The following DUSP21 variants were observed in gnomAD, a reference collection of about 807,000 sequenced individuals.
DUSP21 encodes the protein dual specificity phosphatase 21.
For synonymous variants in DUSP21, 57 were observed against 68.9 expected (o/e 0.83, Z 0.86); for missense variants, 156 against 165.8 (o/e 0.94, Z 0.32).
chrX:44,844,704 A>T lies in DUSP21; in HGVS notation c.572A>T (p.Ter191LeuextTer7). The T allele has an allele frequency of 8.4e-7, 1 of 1,188,241 alleles. No individual in the cohort carries two copies. Among genetic ancestry groups the T allele is most frequent in the Non-Finnish European group, 1.1e-6 (1 of 881,283 alleles). Residue 191 changes from the stop codon to leucine (L), a stop_lost, in exon 1 of 1, where the codon TAA becomes TTA. Transcript: ENST00000339042. ...EKDLRMMISM* is the reference protein window; with the variant it reads ...EKDLRMMISML ...GACCTACGTATGATGATATCAATGT[A>T]AGCCATCCCGGCCAGCCCCTGACAT...
Position 44,844,115 on chromosome X carries a change from C to G in DUSP21, c.-18C>G. ...GTGTCCCGAACCAGCGTAGAGAGAC[C>G]TCGGACCAGCCGCCTTGATGACAGC... On this transcript the variant is annotated 5_prime_UTR_variant, in exon 1 of 1. Transcript: ENST00000339042. The G allele has an allele frequency of 8.4e-7, 1 of 1,195,834 alleles. No individual in the cohort carries two copies. The highest frequency in any genetic ancestry group is 1.1e-6 in the Non-Finnish European group (1 of 887,367).
rs778764394 is a variant in DUSP21, at chrX:44,844,665, A to G, written c.533A>G (p.Asp178Gly). The G allele has an allele frequency of 8.3e-6, 10 of 1,209,137 alleles. No homozygotes were observed. In the South Asian group the frequency reaches 1.6e-4, roughly 19 times the overall value. ...AACTCGCCGGTAGGTAACATCCCTG[A>G]CATCTATGAGAAGGACCTACGTATG... ...MINSPVGNIP[D>G]IYEKDLRMMI... Residue 178 changes from aspartate (D) to glycine (G), a missense_variant, in exon 1 of 1, where the codon GAC becomes GGC. Transcript: ENST00000339042.
Position 44,844,035 on chromosome X carries a change from C to A in DUSP21, c.-98C>A. ...GATAGCTGGTCCTCTTTCTCCAACA[C>A]CTAGCCTGAGACTTGGCGGCGCGGC... On this transcript the variant is annotated 5_prime_UTR_variant, in exon 1 of 1. Coordinates refer to ENST00000339042, the MANE Select transcript of DUSP21 (RefSeq NM_022076.4). 3.5e-6 allele frequency: 3 copies of A among 850,302 alleles called. No individual in the cohort carries two copies. 70.1% of individuals were successfully genotyped at this position (850,302 alleles called of 1,213,427 possible). A position where few individuals can be genotyped will look rare whatever the true frequency, so the allele number is the denominator to read the frequency against.
In DUSP21 at chrX:44,844,437, C is replaced by G; in HGVS notation, c.305C>G (p.Thr102Arg). 8.3e-7 allele frequency: 1 copy of G among 1,211,387 alleles called. No homozygotes were observed. The highest frequency in any genetic ancestry group is 1.7e-5 in the African/African-American group (1 of 57,657). Residue 102 changes from threonine (T) to arginine (R), a missense_variant, in exon 1 of 1, where the codon ACG becomes AGG. By Grantham distance (71) the Thr-to-Arg change is moderately conservative (BLOSUM62 -1). Coordinates refer to ENST00000339042, the MANE Select transcript of DUSP21 (RefSeq NM_022076.4). The stretch of plus-strand genomic sequence containing the variant: ...ACCATCGATATGAGGCAGGGCCGTA[C>G]GCTGCTGCACTGCATGGCTGGAGTG... ...IHTIDMRQGR[T>R]LLHCMAGVSR...
chrX:44,844,054 G>A lies in DUSP21; in HGVS notation c.-79G>A. On this transcript the variant is annotated 5_prime_UTR_variant, in exon 1 of 1. Coordinates refer to ENST00000339042, the MANE Select transcript of DUSP21 (RefSeq NM_022076.4). ...CCAACACCTAGCCTGAGACTTGGCG[G>A]CGCGGCTGCTATCCTGAACTAGCTT... is the stretch of plus-strand genomic sequence containing the variant. 1 of 984,046 alleles carries A rather than the reference G, an allele frequency of 1.0e-6. No individual in the cohort carries two copies. Among genetic ancestry groups the A allele is most frequent in the Non-Finnish European group, 1.4e-6 (1 of 734,476 alleles). The allele number at this position is 984,046 out of a possible 1,213,427, so 81.1% of individuals were successfully genotyped here. A position where few individuals can be genotyped will look rare whatever the true frequency, so the allele number is the denominator to read the frequency against.
chrX:44,844,632 G>A lies in DUSP21; in HGVS notation c.500G>A (p.Arg167His), dbSNP rs1486706183. 3 of 1,210,998 alleles carry A rather than the reference G, an allele frequency of 2.5e-6. No individual in the cohort carries two copies. Among genetic ancestry groups the A allele is most frequent in the Non-Finnish European group, 3.4e-6 (3 of 895,297 alleles). ...AAGCTGTTTAATAACAACACCGTGC[G>A]CATGATCAACTCGCCGGTAGGTAAC... ...EFKLFNNNTV[R>H]MINSPVGNIP... The change falls in exon 1 of 1, where the codon CGC (arginine) becomes CAC (histidine). Residue 167 changes from arginine to histidine, a missense_variant. Arg to His is a conservative substitution (Grantham distance 29). Coordinates refer to ENST00000339042, the MANE Select transcript of DUSP21 (RefSeq NM_022076.4).
At position 44,844,072 on chromosome X, in the gene DUSP21, A is replaced by G. The variant is rs923923167; in HGVS notation, c.-61A>G. Reference sequence around the variant, plus strand: ...CTTGGCGGCGCGGCTGCTATCCTGAACTAGCTTGGTAAGTGTTGTGTCCCG... The same window carrying G: ...CTTGGCGGCGCGGCTGCTATCCTGAGCTAGCTTGGTAAGTGTTGTGTCCCG... On this transcript the variant is annotated 5_prime_UTR_variant, in exon 1 of 1. Coordinates refer to ENST00000339042, the MANE Select transcript of DUSP21 (RefSeq NM_022076.4). 6 of 1,100,354 alleles carry G rather than the reference A, an allele frequency of 5.5e-6. No homozygotes were observed. The highest frequency in any genetic ancestry group is 1.8e-5 in the African/African-American group (1 of 54,379). 90.7% of individuals were successfully genotyped at this position (1,100,354 alleles called of 1,213,427 possible).
In DUSP21 at chrX:44,844,366, C is replaced by T; in HGVS notation, c.234C>T (p.Asp78=). The T allele has an allele frequency of 1.7e-6, 2 of 1,211,470 alleles. No homozygotes were observed. Among genetic ancestry groups the T allele is most frequent in the Non-Finnish European group, 2.2e-6 (2 of 895,476 alleles). Residue 78 remains aspartate (D), a synonymous_variant, in exon 1 of 1, where the codon GAC becomes GAT. Coordinates refer to ENST00000339042, the MANE Select transcript of DUSP21 (RefSeq NM_022076.4). ...AGGTGCCTGTTACCGATGCTCGTGA[C>T]TCGCGTCTCTACGACTTTTTTGACC... ...YIKVPVTDAR[D]SRLYDFFDPI...
Position 44,844,088 on chromosome X carries a change from T to C in DUSP21, c.-45T>C. Reference sequence around the variant, plus strand: ...CTATCCTGAACTAGCTTGGTAAGTGTTGTGTCCCGAACCAGCGTAGAGAGA... The same window carrying C: ...CTATCCTGAACTAGCTTGGTAAGTGCTGTGTCCCGAACCAGCGTAGAGAGA... On this transcript the variant is annotated 5_prime_UTR_variant, in exon 1 of 1. Transcript: ENST00000339042. 8.7e-7 allele frequency: 1 copy of C among 1,143,044 alleles called. No individual in the cohort carries two copies. The highest frequency in any genetic ancestry group is 3.0e-4 in the Middle Eastern group (1 of 3,342). The allele number at this position is 1,143,044 out of a possible 1,213,427, so 94.2% of individuals were successfully genotyped here. A position where few individuals can be genotyped will look rare whatever the true frequency, so the allele number is the denominator to read the frequency against.
chrX:44,844,395 T>A lies in DUSP21; in HGVS notation c.263T>A (p.Ile88Asn). 8.3e-7 allele frequency: 1 copy of A among 1,211,368 alleles called. No individual in the cohort carries two copies. Among genetic ancestry groups the A allele is most frequent in the Non-Finnish European group, 1.1e-6 (1 of 895,471 alleles). ...DSRLYDFFDP[I>N]ADLIHTIDMR... ...CGTCTCTACGACTTTTTTGACCCCA[T>A]TGCTGATCTTATCCACACCATCGAT... The change falls in exon 1 of 1, where the codon ATT becomes AAT. Residue 88 changes from isoleucine to asparagine, a missense_variant. Transcript: ENST00000339042.
chrX:44,844,343 G>T lies in DUSP21; in HGVS notation c.211G>T (p.Val71Leu). The change falls in exon 1 of 1, where the codon GTG becomes TTG. Residue 71 changes from valine (V) to leucine (L), a missense_variant. Val to Leu is a conservative substitution (Grantham distance 32). Coordinates refer to ENST00000339042, the MANE Select transcript of DUSP21 (RefSeq NM_022076.4). ...VFFEGIQYIK[V>L]PVTDARDSRL... is the part of the protein sequence containing the mutation. ...CTTCGAGGGCATTCAGTACATAAAGGTGCCTGTTACCGATGCTCGTGACTC... is the reference window on the plus strand; with the variant it reads ...CTTCGAGGGCATTCAGTACATAAAGTTGCCTGTTACCGATGCTCGTGACTC... 8.3e-7 allele frequency: 1 copy of T among 1,211,413 alleles called. No individual in the cohort carries two copies. The highest frequency in any genetic ancestry group is 3.0e-5 in the East Asian group (1 of 33,843).
In DUSP21 at chrX:44,844,575, G is replaced by A; in HGVS notation, c.443G>A (p.Gly148Asp). Residue 148 changes from glycine to aspartate, a missense_variant, in exon 1 of 1, where the codon GGC becomes GAC. By Grantham distance (94) the Gly-to-Asp change is moderately conservative (BLOSUM62 -1). Coordinates refer to ENST00000339042, the MANE Select transcript of DUSP21 (RefSeq NM_022076.4). ...SRRPIIRPNN[G>D]FWEQLINYEF... Reference sequence around the variant, plus strand: ...CGCCCCATCATCCGGCCCAACAACGGCTTTTGGGAACAGCTCATCAATTAC... The same window carrying A: ...CGCCCCATCATCCGGCCCAACAACGACTTTTGGGAACAGCTCATCAATTAC... The A allele has an allele frequency of 8.3e-7, 1 of 1,211,416 alleles. No individual in the cohort carries two copies.
At position 44,844,138 on chromosome X, in the gene DUSP21, A is replaced by G. The variant is rs1472246799; in HGVS notation, c.6A>G (p.Thr2=). 2.5e-6 allele frequency: 3 copies of G among 1,206,266 alleles called. No individual in the cohort carries two copies. The highest frequency in any genetic ancestry group is 3.4e-6 in the Non-Finnish European group (3 of 892,557). The part of the protein sequence containing the change: M[T]ASASSFSSSQ... ...ACCTCGGACCAGCCGCCTTGATGAC[A>G]GCATCCGCGTCCTCCTTTTCATCAT... is the stretch of plus-strand genomic sequence containing the variant. The change falls in exon 1 of 1, where the codon ACA becomes ACG. Residue 2 remains threonine (T), a synonymous_variant. Transcript: ENST00000339042.
At position 44,844,613 on chromosome X, in the gene DUSP21, T is replaced by A; in HGVS notation, c.481T>A (p.Phe161Ile). ...GCTCATCAATTACGAATTCAAGCTGTTTAATAACAACACCGTGCGCATGAT... is the reference window on the plus strand; with the variant it reads ...GCTCATCAATTACGAATTCAAGCTGATTAATAACAACACCGTGCGCATGAT... ...EQLINYEFKL[F>I]NNNTVRMINS... The change falls in exon 1 of 1, where the codon TTT becomes ATT. Residue 161 changes from phenylalanine to isoleucine, a missense_variant. Transcript: ENST00000339042. 8.3e-7 allele frequency: 1 copy of A among 1,211,217 alleles called. No homozygotes were observed. Among genetic ancestry groups the A allele is most frequent in the Non-Finnish European group, 1.1e-6 (1 of 895,464 alleles).
chrX:44,844,737 C>T lies in DUSP21; in HGVS notation c.*32C>T, dbSNP rs374977948. Reference sequence around the variant, plus strand: ...CCGGCCAGCCCCTGACATCTGCCATCGATCTTGCACCAAGACTGAACTTGA... The same window carrying T: ...CCGGCCAGCCCCTGACATCTGCCATTGATCTTGCACCAAGACTGAACTTGA... On this transcript the variant is annotated 3_prime_UTR_variant, in exon 1 of 1. Transcript: ENST00000339042. The T allele has an allele frequency of 2.4e-5, 27 of 1,140,291 alleles. No individual in the cohort carries two copies. The Admixed American group carries it at 6.1e-4, about 26-fold the overall frequency. The allele number at this position is 1,140,291 out of a possible 1,213,427, so 94.0% of individuals were successfully genotyped here.
In DUSP21 at chrX:44,844,487, G is replaced by C; in HGVS notation, c.355G>C (p.Ala119Pro). The C allele has an allele frequency of 8.3e-7, 1 of 1,211,257 alleles. No individual in the cohort carries two copies. Among genetic ancestry groups the C allele is most frequent in the Non-Finnish European group, 1.1e-6 (1 of 895,407 alleles). Residue 119 changes from alanine to proline, a missense_variant, in exon 1 of 1, where the codon GCG becomes CCG. Ala to Pro is a conservative substitution (Grantham distance 27). Transcript: ENST00000339042. Reference protein sequence around the residue: ...GVSRSASLCLAYLMKYHSMSL... With the variant: ...GVSRSASLCLPYLMKYHSMSL... ...GAGCCGTTCCGCCTCACTGTGCCTT[G>C]CGTACCTCATGAAATACCACTCCAT... is the stretch of plus-strand genomic sequence containing the variant.
chrX:44,844,169 G>A lies in DUSP21; in HGVS notation c.37G>A (p.Gly13Ser), dbSNP rs138277843. The change falls in exon 1 of 1, where the codon GGT becomes AGT. Residue 13 changes from glycine (G) to serine (S), a missense_variant. Coordinates refer to ENST00000339042, the MANE Select transcript of DUSP21 (RefSeq NM_022076.4). ...CGCGTCCTCCTTTTCATCATCTCAG[G>A]GTGTCCAGCAGCCCTCCATCTACAG... ...ASASSFSSSQ[G>S]VQQPSIYSFS... The A allele has an allele frequency of 8.1e-5, 98 of 1,209,044 alleles. No homozygotes were observed. In the African/African-American group the frequency reaches 1.5e-3, roughly 18 times the overall value.
At position 44,844,164 on chromosome X, in the gene DUSP21, C is replaced by T. The variant is rs774599374; in HGVS notation, c.32C>T (p.Ser11Phe). The change falls in exon 1 of 1, where the codon TCT (serine) becomes TTT (phenylalanine). Residue 11 changes from serine (S) to phenylalanine (F), a missense_variant. Transcript: ENST00000339042. ...GCATCCGCGTCCTCCTTTTCATCAT[C>T]TCAGGGTGTCCAGCAGCCCTCCATC... MTASASSFSS[S>F]QGVQQPSIYS... The T allele has an allele frequency of 2.5e-6, 3 of 1,209,119 alleles. No individual in the cohort carries two copies. The highest frequency in any genetic ancestry group is 4.4e-5 in the Admixed American group (2 of 45,609).
chrX:44,844,596 A>G lies in DUSP21; in HGVS notation c.464A>G (p.Asn155Ser). 8.3e-7 allele frequency: 1 copy of G among 1,211,265 alleles called. No individual in the cohort carries two copies. Among genetic ancestry groups the G allele is most frequent in the Non-Finnish European group, 1.1e-6 (1 of 895,439 alleles). ...PNNGFWEQLI[N>S]YEFKLFNNNT... is the part of the protein sequence containing the mutation. ...AACGGCTTTTGGGAACAGCTCATCAATTACGAATTCAAGCTGTTTAATAAC... is the reference window on the plus strand; with the variant it reads ...AACGGCTTTTGGGAACAGCTCATCAGTTACGAATTCAAGCTGTTTAATAAC... The change falls in exon 1 of 1, where the codon AAT (asparagine) becomes AGT (serine). Residue 155 changes from asparagine (N) to serine (S), a missense_variant. Asn to Ser is a conservative substitution (Grantham distance 46, BLOSUM62 1). Coordinates refer to ENST00000339042, the MANE Select transcript of DUSP21 (RefSeq NM_022076.4).
Sources: gnomAD v4.1 joint callset for allele counts on GRCh38, gnomAD v4.1.1 for gene constraint, MANE v1.5 for transcripts, NCBI Gene and HGNC (gene_info 2026-07-23, HGNC 2026-07-21) for gene names.